The following HDAC7 variants were observed in gnomAD, a reference collection of about 807,000 sequenced individuals.
The protein encoded by HDAC7 is histone deacetylase 7.
HDAC7 carries 26 observed loss-of-function variants against 115.5 expected under a neutral mutation model. The observed-to-expected ratio is 0.23, with a 90% confidence interval of 0.16 to 0.31. HDAC7 has a LOEUF of 0.31. Ranked by LOEUF, HDAC7 falls within the 10% of genes least tolerant of loss-of-function variation. The pLI is 1.00. For missense variants in HDAC7, 1,068 were observed against 1,329.0 expected (o/e 0.80, Z 3.05); for synonymous variants, 564 against 550.9 (o/e 1.02, Z -0.33).
At position 47,783,904 on chromosome 12, in the gene HDAC7, G is replaced by A. The variant is rs372228501; in HGVS notation, c.2931-18C>T. ...CCGAGGGCCTGTGGGGAGGGACAAGGGTGGGATGCTGGAGCACCAGGGCTG... is the reference window on the plus strand; with the variant it reads ...CCGAGGGCCTGTGGGGAGGGACAAGAGTGGGATGCTGGAGCACCAGGGCTG... On this transcript the variant is annotated intron_variant, in intron 25 of 25. Coordinates refer to ENST00000080059, the MANE Select transcript of HDAC7 (RefSeq NM_015401.5). 2.5e-6 allele frequency: 4 copies of A among 1,613,152 alleles called. No individual in the cohort carries two copies. Among genetic ancestry groups the A allele is most frequent in the African/African-American group, 2.7e-5 (2 of 75,026 alleles).
chr12:47,806,672 G>T (rs982392919), intron 1 of HDAC7, among the ~76,000 whole-genome samples: 1 of 152,106 alleles, frequency 6.6e-6, no homozygotes, highest in African/African-American at 2.4e-5. Context: ...CTGGGCGACA[G>T]AGCAAGACTC....
chr12:47,817,792 G>A (rs1028564286), intron 1 of HDAC7: 1 of 152,276 alleles, frequency 6.6e-6, no homozygotes. Flanking sequence ...GGGTTCCACA[G>A]GCTTCTGTCT....
At chr12:47,801,744 C>A (rs1478643925) in intron 2 of HDAC7, among the ~76,000 whole-genome samples, 1 of 152,220 alleles carries the variant, frequency 6.6e-6, no homozygotes, top group Admixed American at 6.5e-5. Flanking sequence ...TTCCCCAGGG[C>A]AGCCTAGCAG....
chr12:47,785,028 G>A (rs995652358), intron 24 of HDAC7: 30 of 575,128 alleles, frequency 5.2e-5, no homozygotes, highest in African/African-American at 9.4e-5. Context: ...GAGCTCCTGA[G>A]ACGCCTGTGG....
intron 2 of HDAC7, among the ~76,000 whole-genome samples, chr12:47,800,499 G>A (rs1015740574): frequency 5.9e-5 from 9 of 152,222 alleles, no homozygotes; most frequent in Admixed American, 2.0e-4. Context: ...GACAGTGATG[G>A]CTGTGCACCC....
rs1350866459 is a variant in HDAC7, at chr12:47,786,534, C to A, written c.2572+51G>T. ...CTTGGGAGTGCCTCCCAACTCCCCG[C>A]ACCGCCTGGCTCTCTGTCCCTAACG... On this transcript the variant is annotated intron_variant, in intron 22 of 25. Coordinates refer to ENST00000080059, the MANE Select transcript of HDAC7 (RefSeq NM_015401.5). The A allele has an allele frequency of 5.2e-6, 7 of 1,353,810 alleles. No individual in the cohort carries two copies. In the Middle Eastern group the frequency reaches 5.4e-4, roughly 105 times the overall value. The allele number at this position is 1,353,810 out of a possible 1,614,324, so 83.9% of individuals were successfully genotyped here. A position where few individuals can be genotyped will look rare whatever the true frequency, so the allele number is the denominator to read the frequency against.
At chr12:47,821,050 C>CAGT (rs1945007965), upstream of HDAC7, among the ~76,000 whole-genome samples, 1 of 151,984 alleles carries the variant, frequency 6.6e-6, no homozygotes, top group Non-Finnish European at 1.5e-5. Context: ...AGGTCCACCA[C>CAGT]GCAGGAACAC....
At position 47,788,178 on chromosome 12, in the gene HDAC7, C is replaced by G. The variant is rs776994533; in HGVS notation, c.2236-14G>C. 31 of 1,590,650 alleles carry G rather than the reference C, an allele frequency of 1.9e-5. No homozygotes were observed. The highest frequency in any genetic ancestry group is 2.1e-5 in the Non-Finnish European group (25 of 1,167,786). ...ATGGTGCACGTCCTGTGTAGGGAGA[C>G]GGGCAGCGATTAGGGAAGGCAGAGA... On this transcript the variant is annotated splice_polypyrimidine_tract_variant and intron_variant, in intron 19 of 25. Coordinates refer to ENST00000080059, the MANE Select transcript of HDAC7 (RefSeq NM_015401.5).
At position 47,785,430 on chromosome 12, in the gene HDAC7, G is replaced by A. The variant is rs1284408150; in HGVS notation, c.2748C>T (p.Asn916=). The change falls in exon 24 of 26, where the codon AAC becomes AAT. Residue 916 remains asparagine (N), a synonymous_variant. Transcript: ENST00000080059. Reference sequence around the variant, plus strand: ...CCTCCAGAGAGCGGATGGCATTGAGGTTGGGTTTCTGTTTCCAGCCTTCTT... The same window carrying A: ...CCTCCAGAGAGCGGATGGCATTGAGATTGGGTTTCTGTTTCCAGCCTTCTT... ...LSEEGWKQKP[N]LNAIRSLEAV... is the part of the protein sequence containing the mutation. 6.2e-7 allele frequency: 1 copy of A among 1,613,208 alleles called. No individual in the cohort carries two copies. The highest frequency in any genetic ancestry group is 8.5e-7 in the Non-Finnish European group (1 of 1,179,670).
At chr12:47,809,777 A>G (rs1565584565) in intron 1 of HDAC7, among the ~76,000 whole-genome samples, 1 of 151,976 alleles carries the variant, frequency 6.6e-6, no homozygotes, top group East Asian at 1.9e-4. Flanking sequence ...CACCCTGTTG[A>G]TTAGTCTGGT....
chr12:47,793,224 C>T lies in HDAC7; in HGVS notation c.1678+145G>A. 1 of 608,464 alleles carries T rather than the reference C, an allele frequency of 1.6e-6. No homozygotes were observed. The highest frequency in any genetic ancestry group is 2.8e-6 in the Non-Finnish European group (1 of 359,876). The allele number at this position is 608,464 out of a possible 1,614,324, so 37.7% of individuals were successfully genotyped here. A position where few individuals can be genotyped will look rare whatever the true frequency, so the allele number is the denominator to read the frequency against. ...CGGCCAAATGCAATAACCAGCTGTTCCATGTGCTCCATGGGTACTACGTGG... is the reference window on the plus strand; with the variant it reads ...CGGCCAAATGCAATAACCAGCTGTTTCATGTGCTCCATGGGTACTACGTGG... On this transcript the variant is annotated intron_variant, in intron 13 of 25. Coordinates refer to ENST00000080059, the MANE Select transcript of HDAC7 (RefSeq NM_015401.5). This position sits in a 1 kb window ranked among gnomAD's most constrained non-coding sequence, Gnocchi z 4.5.
At chr12:47,818,166 C>T (rs1375039585) in intron 1 of HDAC7, among the ~76,000 whole-genome samples, 1 of 152,168 alleles carries the variant, frequency 6.6e-6, no homozygotes, top group African/African-American at 2.4e-5. Context: ...CTGTAAGACC[C>T]GGTGGCCACA....
intron 1 of HDAC7, among the ~76,000 whole-genome samples, chr12:47,810,126 G>A (rs1339151806): frequency 6.6e-6 from 1 of 151,616 alleles, no homozygotes; most frequent in Non-Finnish European, 1.5e-5. Context: ...TTTGTATTTT[G>A]GTAGAGACGG....
chr12:47,802,385 G>A (rs774260881), intron 1 of HDAC7, 111 bp from the exon 2 acceptor site: 26 of 1,532,780 alleles, frequency 1.7e-5, no homozygotes, highest in Admixed American at 3.9e-5. Context: ...GCTTGAGCAC[G>A]CCAAAGCCTG....
intron 23 of HDAC7, 56 bp downstream of exon 23, chr12:47,785,696 G>C: frequency 6.4e-7 from 1 of 1,554,486 alleles, no homozygotes; most frequent in Non-Finnish European, 8.7e-7. Context: ...GGGTAGTCCT[G>C]AGAGCCGGGC....
At position 47,795,101 on chromosome 12, in the gene HDAC7, C is replaced by T. The variant is rs1055561818; in HGVS notation, c.1284+83G>A. On this transcript the variant is annotated intron_variant, in intron 11 of 25. Coordinates refer to ENST00000080059, the MANE Select transcript of HDAC7 (RefSeq NM_015401.5). The surrounding 1 kb of genome is among the most constrained non-coding windows in gnomAD (Gnocchi z 4.3). ...CTCTTTTGCCCTCCAGTTCCCTGCC[C>T]TTTCTAAGTACCCCTCTTCTTTTGG... 2 of 1,366,370 alleles carry T rather than the reference C, an allele frequency of 1.5e-6. No homozygotes were observed. Among genetic ancestry groups the T allele is most frequent in the Non-Finnish European group, 2.0e-6 (2 of 980,480 alleles). 84.6% of individuals were successfully genotyped at this position (1,366,370 alleles called of 1,614,324 possible). A position where few individuals can be genotyped will look rare whatever the true frequency, so the allele number is the denominator to read the frequency against.
intron 13 of HDAC7, chr12:47,792,609 CCAA>C: frequency 2.2e-6 from 1 of 455,788 alleles, no homozygotes. Flanking sequence ...GTCTAGGACA[CCAA>C]CGACTCTCAA....
At chr12:47,786,834 T>G in intron 21 of HDAC7, 131 bp from the exon 22 acceptor site, 1 of 681,630 alleles carries the variant, frequency 1.5e-6, no homozygotes, top group East Asian at 2.8e-5. Context: ...ACTGGCAGAT[T>G]TCTCTGACCT....
At chr12:47,808,674 T>A (rs1462881738) in intron 1 of HDAC7, among the ~76,000 whole-genome samples, 1 of 152,136 alleles carries the variant, frequency 6.6e-6, no homozygotes, top group Non-Finnish European at 1.5e-5. Context: ...GCAAGTCCAT[T>A]GTGAAGGGGA....
Sources: gnomAD v4.1 joint callset for allele counts (sites outside exome capture counted in the v4.1 genomes callset) on GRCh38, gnomAD v4.1.1 for gene constraint, Gnocchi (gnomAD v3.1) non-coding constraint, MANE v1.5 for transcripts, NCBI Gene and HGNC (gene_info 2026-07-23, HGNC 2026-07-21) for gene names.